RSRP1: variants seen among roughly 807,000 people sequenced by gnomAD.
RSRP1 encodes arginine/serine-rich protein 1.
Under a neutral mutation model 33.0 loss-of-function variants are expected in RSRP1, and 37 were observed. That is an observed-to-expected ratio of 1.12 (90% CI 0.86 to 1.48). The LOEUF is 1.48. RSRP1 is among the 40% of genes most tolerant of loss of function. RSRP1 has a pLI of 0.00. For synonymous variants in RSRP1, 167 were observed against 158.7 expected (o/e 1.05, Z -0.40); for missense variants, 402 against 385.3 (o/e 1.04, Z -0.36).
rs574675550 is a variant in RSRP1 at position 25,256,016 on chromosome 1, A to G, written c.-66-8987T>C. On this transcript the variant is annotated intron_variant, in intron 1 of 1. Transcript: ENST00000561867. ...ACCTTCCATTGGCAAAGGGTGATAC[A>G]TATCAACCATTCGGGCCAATAAAAC... Among the ~76,000 whole-genome samples the G allele has an allele frequency of 1.1e-3, 170 of 152,326 alleles. 2 individuals carry two copies. Among genetic ancestry groups the G allele is most frequent in the Admixed American group, 2.1e-3 (32 of 15,298 alleles).
chr1:25,269,174 C>G (rs189924986), intron 1 of RSRP1, among the ~76,000 whole-genome samples: 1 of 132,684 alleles, frequency 7.5e-6, no homozygotes, highest in East Asian at 1.9e-4. Context: ...CTACCTTAAA[C>G]ATGCTTAGAA....
intron 1 of RSRP1, among the ~76,000 whole-genome samples, chr1:25,310,426 A>T (rs1459479333): frequency 1.5e-5 from 2 of 132,682 alleles, no homozygotes; most frequent in African/African-American, 2.6e-5. Flanking sequence ...CCCTCACCAG[A>T]TGGTGGCACC....
chr1:25,267,621 C>T (rs1571548768), intron 1 of RSRP1: 1 of 126,150 alleles, frequency 7.9e-6, no homozygotes, highest in East Asian at 2.0e-4. Flanking sequence ...TCCTGAGTAG[C>T]GCTGTGTGGC....
chr1:25,268,663 A>G (rs1266716036), intron 1 of RSRP1, among the ~76,000 whole-genome samples: 1 of 129,766 alleles, frequency 7.7e-6, no homozygotes, highest in Non-Finnish European at 1.8e-5. Flanking sequence ...TAGGGCAGTC[A>G]GAGGCCGGGC....
chr1:25,288,812 G>A (rs1174762635), intron 1 of RSRP1, among the ~76,000 whole-genome samples: 2 of 127,370 alleles, frequency 1.6e-5, no homozygotes, highest in South Asian at 2.4e-4. Context: ...TACCGCCGCC[G>A]GCACACACGC....
rs769128637 is a variant in RSRP1 at position 25,301,661 on chromosome 1, C to T, written c.-67+36317G>A. 7 of 1,379,884 alleles carry T rather than the reference C, an allele frequency of 5.1e-6. 1 individual carries two copies. In the Admixed American group the frequency reaches 1.2e-4, roughly 24 times the overall value. 85.5% of individuals were successfully genotyped at this position (1,379,884 alleles called of 1,614,324 possible). ...ACAGCCATCTCAGGGTCATCCTTGG[C>T]TCACCCCCAAGGGAAGATCAGCAAG... is the stretch of plus-strand genomic sequence containing the variant. On this transcript the variant is annotated intron_variant, in intron 1 of 1. Transcript: ENST00000561867.
upstream of RSRP1, among the ~76,000 whole-genome samples, chr1:25,251,753 T>C (rs868137526): frequency 6.6e-6 from 1 of 152,188 alleles, no homozygotes; most frequent in Non-Finnish European, 1.5e-5. Context: ...AAGCTAACGA[T>C]CATTCCCTAG....
chr1:25,246,449 T>A lies in RSRP1; in HGVS notation c.515A>T (p.Glu172Val). Residue 172 changes from glutamate (E) to valine (V), a missense_variant, in exon 2 of 5, where the codon GAA becomes GTA. By Grantham distance (121) the Glu-to-Val change is moderately radical. Transcript: ENST00000243189. ...SRSRTPFRLS[E>V]KDRMELLEIA... ...AAGGTAAATGACCCACCCACCTTTT[T>A]CACTTAAGCGAAAGGGGGTTCTGCT... 1 of 1,612,460 alleles carries A rather than the reference T, an allele frequency of 6.2e-7. No homozygotes were observed.
intron 1 of RSRP1, chr1:25,306,472 CTTT>C (rs1643844583): frequency 2.1e-6 from 2 of 951,928 alleles, no homozygotes; most frequent in African/African-American, 3.2e-5. Flanking sequence ...AGAAGGGCTT[CTTT>C]GAGGTGAGCC....
chr1:25,313,779 A>G lies in RSRP1; in HGVS notation c.-67+24199T>C, dbSNP rs1425682432. 6.0e-5 allele frequency among the ~76,000 whole-genome samples: 8 copies of G among 132,558 alleles called. 1 individual carries two copies. The highest frequency in any genetic ancestry group is 7.7e-5 in the African/African-American group (3 of 38,858). 87.0% of individuals were successfully genotyped at this position (132,558 alleles called of 152,430 possible). The stretch of plus-strand genomic sequence containing the variant: ...GGCAGGAAGTGAAAACACATATGTT[A>G]GAATTTGTAGCTGAGGGGTTTATAA... On this transcript the variant is annotated intron_variant, in intron 1 of 1. Transcript: ENST00000561867.
intron 1 of RSRP1, among the ~76,000 whole-genome samples, chr1:25,305,209 A>G (rs1402154354): frequency 1.5e-5 from 2 of 130,236 alleles, no homozygotes; most frequent in Non-Finnish European, 3.6e-5. Flanking sequence ...TATTCCAGGC[A>G]GAAGGCACAG....
rs1349323360 is a variant in RSRP1 at position 25,295,711 on chromosome 1, T to G, written c.-67+42267A>C. Among the ~76,000 whole-genome samples the G allele has an allele frequency of 1.8e-5, 2 of 108,212 alleles. 1 individual carries two copies. The highest frequency in any genetic ancestry group is 4.4e-5 in the Non-Finnish European group (2 of 44,952). 71.0% of individuals were successfully genotyped at this position (108,212 alleles called of 152,430 possible). ...GAGAGAAAGGCTGAAGGGCAGGGGC[T>G]GACATCATCAGTGACCAAGAGGCGG... is the stretch of plus-strand genomic sequence containing the variant. On this transcript the variant is annotated intron_variant, in intron 1 of 1. Coordinates refer to the RSRP1 transcript ENST00000561867.
At position 25,300,698 on chromosome 1, in the gene RSRP1, A is replaced by C. The variant is rs1376550149; in HGVS notation, c.-67+37280T>G. On this transcript the variant is annotated intron_variant, in intron 1 of 1. Transcript: ENST00000561867. ...GTGGCGCATGCCTGTAATCCCAGCT[A>C]CTAGGGAAGCTGAGGCAGGAGAATC... 1.5e-5 allele frequency among the ~76,000 whole-genome samples: 2 copies of C among 131,504 alleles called. 1 individual carries two copies. The highest frequency in any genetic ancestry group is 3.6e-5 in the Non-Finnish European group (2 of 55,756). The allele number at this position is 131,504 out of a possible 152,430, so 86.3% of individuals were successfully genotyped here.
At chr1:25,258,574 T>G (rs1348195679) in intron 1 of RSRP1, among the ~76,000 whole-genome samples, 1 of 152,216 alleles carries the variant, frequency 6.6e-6, no homozygotes, top group Non-Finnish European at 1.5e-5. Flanking sequence ...CAAAGCTATC[T>G]GAGGTTTCTG....
rs1385186997 is a variant in RSRP1, at chr1:25,332,185, C to T, written c.-67+5793G>A. ...CCGTGTAGCTGGGATCACAGGCACA[C>T]GCCACCACACCTAGCTACTTTTTGT... On this transcript the variant is annotated intron_variant, in intron 1 of 1. Transcript: ENST00000561867. 1.6e-5 allele frequency among the ~76,000 whole-genome samples: 2 copies of T among 127,040 alleles called. 1 individual carries two copies. The highest frequency in any genetic ancestry group is 3.7e-5 in the Non-Finnish European group (2 of 53,838). 83.3% of individuals were successfully genotyped at this position (127,040 alleles called of 152,430 possible).
rs1047114410 is a variant in RSRP1 at position 25,315,220 on chromosome 1, T to G, written c.-67+22758A>C. On this transcript the variant is annotated intron_variant, in intron 1 of 1. Coordinates refer to the RSRP1 transcript ENST00000561867. ...TGATTTTTTTCCTAAAAATCACTTA[T>G]TATTAGATCAATGAATTGAGTAATT... Among the ~76,000 whole-genome samples the G allele has an allele frequency of 1.5e-5, 2 of 129,226 alleles. 1 individual carries two copies. The highest frequency in any genetic ancestry group is 1.5e-4 in the Admixed American group (2 of 13,262). 84.8% of individuals were successfully genotyped at this position (129,226 alleles called of 152,430 possible). A position where few individuals can be genotyped will look rare whatever the true frequency, so the allele number is the denominator to read the frequency against.
chr1:25,283,314 T>G (rs1641663044), intron 1 of RSRP1, among the ~76,000 whole-genome samples: 1 of 131,806 alleles, frequency 7.6e-6, no homozygotes, highest in Non-Finnish European at 1.8e-5. Context: ...GCAGATCACT[T>G]GAGGTCAGGA....
chr1:25,258,018 A>G (rs1640002399), intron 1 of RSRP1, among the ~76,000 whole-genome samples: 1 of 152,170 alleles, frequency 6.6e-6, no homozygotes, highest in South Asian at 2.1e-4. Flanking sequence ...CTAAAAGCTG[A>G]CTGAATACAC....
At chr1:25,310,326 C>T (rs1319484280) in intron 1 of RSRP1, among the ~76,000 whole-genome samples, 1 of 132,786 alleles carries the variant, frequency 7.5e-6, no homozygotes, top group African/African-American at 2.5e-5. Context: ...GCACTGGTGA[C>T]TTATAAGAAG....
Sources: gnomAD v4.1 joint callset for allele counts (sites outside exome capture counted in the v4.1 genomes callset) on GRCh38, gnomAD v4.1.1 for gene constraint, MANE v1.5 for transcripts, NCBI Gene and HGNC (gene_info 2026-07-23, HGNC 2026-07-21) for gene names.